Variants in CNKSR2 observed in about 807,000 individuals in gnomAD.
The protein encoded by CNKSR2 is CNK homolog protein 2.
CNKSR2 carries 14 observed loss-of-function variants against 84.4 expected under a neutral mutation model. That is an observed-to-expected ratio of 0.17 (90% confidence interval 0.11 to 0.26). CNKSR2 has a LOEUF of 0.26. CNKSR2 is among the 10% of genes least tolerant of loss of function. CNKSR2 has a pLI of 1.00. For missense variants in CNKSR2, 485 were observed against 771.2 expected, an observed-to-expected ratio of 0.63 and a Z score of 4.40; for synonymous variants, 275 against 277.9, an observed-to-expected ratio of 0.99 and a Z score of 0.10.
intron 9 of CNKSR2, among the ~76,000 whole-genome samples, chrX:21,524,118 G>C (rs2091811667): frequency 9.1e-6 from 1 of 110,366 alleles, no homozygotes; most frequent in African/African-American, 3.3e-5. Flanking sequence ...AGCACAGTTA[G>C]TAGAGAGAAA....
intron 13 of CNKSR2, among the ~76,000 whole-genome samples, chrX:21,589,953 A>G (rs1274607074): frequency 9.0e-6 from 1 of 111,251 alleles, no homozygotes; most frequent in African/African-American, 3.3e-5. Context: ...TGTGCTTTAG[A>G]TATCAAACAT....
At position 21,467,889 on chromosome X, in the gene CNKSR2, G is replaced by A. The variant is rs753522850; in HGVS notation, c.520-2877G>A. 5.4e-5 allele frequency among the ~76,000 whole-genome samples: 6 copies of A among 110,791 alleles called. No individual in the cohort carries two copies. The South Asian group carries it at 2.3e-3, about 42-fold the overall frequency. ...CCTTTCTGTCACTAACCCACAGCTG[G>A]TAGAAGTTTTTGAAAAGTTTGAAAT... is the stretch of plus-strand genomic sequence containing the variant. On this transcript the variant is annotated intron_variant, in intron 4 of 21. Transcript: ENST00000379510.
At chrX:21,410,124 A>G (rs997553380) in intron 1 of CNKSR2, among the ~76,000 whole-genome samples, 10 of 109,300 alleles carry the variant, frequency 9.1e-5, no homozygotes, top group Non-Finnish European at 1.7e-4. Context: ...AAAAAAATCA[A>G]GTCTCTTTTT....
intron 4 of CNKSR2, among the ~76,000 whole-genome samples, chrX:21,444,759 AT>A (rs939301626): frequency 1.9e-5 from 2 of 107,709 alleles, no homozygotes; most frequent in South Asian, 4.0e-4. Context: ...CTAAAATGTG[AT>A]TTAAAAAAAA....
chrX:21,542,554 G>T (rs965131208), intron 11 of CNKSR2, among the ~76,000 whole-genome samples: 2 of 111,673 alleles, frequency 1.8e-5, no homozygotes, highest in Non-Finnish European at 3.8e-5. Context: ...GGCTTCAAAG[G>T]CAAAGGCTTA....
intron 13 of CNKSR2, among the ~76,000 whole-genome samples, chrX:21,566,789 G>C (rs1303915960): frequency 9.0e-6 from 1 of 111,532 alleles, no homozygotes; most frequent in Non-Finnish European, 1.9e-5. Context: ...AGTCTTCACT[G>C]TTCTGTTGTG....
At chrX:21,430,229 G>A (rs754079670) in intron 2 of CNKSR2, among the ~76,000 whole-genome samples, 3 of 111,370 alleles carry the variant, frequency 2.7e-5, no homozygotes, top group South Asian at 7.6e-4. Flanking sequence ...ACCTCTGAGA[G>A]TATCCTTCCA....
In CNKSR2 at chrX:21,627,454, G is replaced by A. The variant is rs190354373; in HGVS notation, c.2692+17837G>A. On this transcript the variant is annotated intron_variant, in intron 20 of 21. Transcript: ENST00000379510. ...GCGGAGCTGGCAGTGAGCCGAGATC[G>A]TGCCACTGCACTCCAGCCTGGGCGA... Among the ~76,000 whole-genome samples, 695 of 111,440 alleles carry A rather than the reference G, an allele frequency of 6.2e-3. 8 individuals are homozygous for A. Among genetic ancestry groups the A allele is most frequent in the African/African-American group, 0.021 (656 of 30,571 alleles).
intron 4 of CNKSR2, among the ~76,000 whole-genome samples, chrX:21,468,426 G>T (rs757445169): frequency 3.6e-5 from 4 of 110,997 alleles, no homozygotes; most frequent in Non-Finnish European, 7.6e-5. Flanking sequence ...ATTGTTCCAT[G>T]TTTGACTAGG....
At chrX:21,503,530 A>AAC (rs1327057854) in intron 8 of CNKSR2, 1 of 244,952 alleles carries the variant, frequency 4.1e-6, no homozygotes, top group Non-Finnish European at 7.3e-6. Context: ...GCTCACCCAA[A>AAC]ACTCAAAGTT....
chrX:21,601,250 A>G (rs1177757197), intron 17 of CNKSR2, 32 bp from the exon 18 acceptor site: 1 of 883,779 alleles, frequency 1.1e-6, no homozygotes, highest in Non-Finnish European at 1.6e-6. Flanking sequence ...ATTAGGTTAC[A>G]ATGTTATTGA....
intron 4 of CNKSR2, among the ~76,000 whole-genome samples, chrX:21,458,857 A>G (rs1358997563): frequency 3.6e-5 from 4 of 109,857 alleles, no homozygotes; most frequent in Non-Finnish European, 7.6e-5. Flanking sequence ...AACATGTGGT[A>G]TTTGGTTTTC....
At chrX:21,382,048 G>A (rs887155992) in intron 1 of CNKSR2, among the ~76,000 whole-genome samples, 6 of 111,316 alleles carry the variant, frequency 5.4e-5, no homozygotes, top group Non-Finnish European at 1.1e-4. Context: ...TATGAAATAG[G>A]CACTTAGAAA....
chrX:21,442,590 GGAAGATTTGA>G (rs2090798914), intron 4 of CNKSR2, among the ~76,000 whole-genome samples: 1 of 111,905 alleles, frequency 8.9e-6, no homozygotes, highest in Admixed American at 9.5e-5. Flanking sequence ...TTGTAATCTT[GGAAGATTTGA>G]GACTCAGCCC....
intron 11 of CNKSR2, among the ~76,000 whole-genome samples, chrX:21,547,011 C>G (rs1292694248): frequency 8.9e-6 from 1 of 111,861 alleles, no homozygotes; most frequent in African/African-American, 3.3e-5. Flanking sequence ...TATGAAGAAA[C>G]TGCATCAACT....
At chrX:21,498,197 A>G (rs2091522288) in intron 7 of CNKSR2, among the ~76,000 whole-genome samples, 1 of 112,035 alleles carries the variant, frequency 8.9e-6, no homozygotes, top group African/African-American at 3.2e-5. Context: ...TAAATATCAG[A>G]TAAGTCAGGT....
intron 20 of CNKSR2, among the ~76,000 whole-genome samples, chrX:21,636,332 T>TAA (rs1212853138): frequency 2.9e-5 from 3 of 105,135 alleles, no homozygotes; most frequent in African/African-American, 1.0e-4. Context: ...ATTTGGGAGT[T>TAA]AAAAAAAAAA....
intron 4 of CNKSR2, among the ~76,000 whole-genome samples, chrX:21,451,733 G>T (rs1357718373): frequency 1.9e-5 from 2 of 103,669 alleles, no homozygotes; most frequent in African/African-American, 7.0e-5. Context: ...AGCATTAGGA[G>T]ATATACCTAA....
intron 13 of CNKSR2, among the ~76,000 whole-genome samples, chrX:21,583,105 T>C (rs1177104819): frequency 9.0e-6 from 1 of 111,680 alleles, no homozygotes; most frequent in Non-Finnish European, 1.9e-5. Flanking sequence ...TTTTCAGTTA[T>C]ACATGTACCC....
Sources: allele counts gnomAD v4.1 joint callset (sites outside exome capture counted in the v4.1 genomes callset), GRCh38; gene constraint gnomAD v4.1.1; transcripts MANE v1.5; gene names NCBI Gene and HGNC (gene_info 2026-07-23, HGNC 2026-07-21).